PPP2R5C: variants seen among roughly 807,000 people sequenced by gnomAD.
The protein encoded by PPP2R5C is serine/threonine-protein phosphatase 2A 56 kDa regulatory subunit gamma isoform.
In PPP2R5C, 7 loss-of-function variants were observed where a neutral mutation model predicts 68.9. That is an observed-to-expected ratio of 0.10 (90% CI 0.06 to 0.19). PPP2R5C has a LOEUF of 0.19. Among genes scored for constraint, PPP2R5C ranks in the 10% least tolerant of loss-of-function variants. The pLI is 1.00. For synonymous variants in PPP2R5C, 210 were observed against 222.2 expected (o/e 0.95, Z 0.49); for missense variants, 348 against 641.3 (o/e 0.54, Z 4.94).
chr14:101,842,100 C>A (rs1013585064), intron 1 of PPP2R5C, among the ~76,000 whole-genome samples: 2 of 152,140 alleles, frequency 1.3e-5, no homozygotes, highest in African/African-American at 4.8e-5. Context: ...AGAGAAGGGT[C>A]CCCTGTCTTT....
chr14:101,765,161 G>A (rs1265289615), intron 2 of PPP2R5C: 2 of 702,742 alleles, frequency 2.8e-6, no homozygotes, highest in Middle Eastern at 2.3e-4. Flanking sequence ...TAGTGCTACT[G>A]TCTAAGAGCT....
chr14:101,873,008 G>A (rs1312351855), intron 2 of PPP2R5C, among the ~76,000 whole-genome samples: 1 of 148,682 alleles, frequency 6.7e-6, no homozygotes. Context: ...TGTCTATTCT[G>A]TTAATTTTTA....
chr14:101,841,194 C>T (rs61995281), intron 1 of PPP2R5C, among the ~76,000 whole-genome samples: 21,156 of 152,106 alleles, frequency 0.14, 2,034 homozygotes, highest in African/African-American at 0.28. Flanking sequence ...GGAGTTGGGA[C>T]TCCAGCTGGG....
intron 1 of PPP2R5C, among the ~76,000 whole-genome samples, chr14:101,854,581 G>A (rs747811516): frequency 4.5e-4 from 68 of 152,288 alleles, no homozygotes; most frequent in Non-Finnish European, 8.5e-4. Context: ...AAGGGCAAGA[G>A]GAGTGTGGAA....
At chr14:101,903,015 G>GTTTTTTTT (rs72219666) in intron 9 of PPP2R5C, among the ~76,000 whole-genome samples, 1 of 130,726 alleles carries the variant, frequency 7.6e-6, no homozygotes. Context: ...TATGTTTTGG[G>GTTTTTTTT]TTTTTTTTTT....
chr14:101,859,316 G>A (rs769998901), intron 2 of PPP2R5C, among the ~76,000 whole-genome samples: 1 of 152,258 alleles, frequency 6.6e-6, no homozygotes, highest in Non-Finnish European at 1.5e-5. Context: ...AGGGTTGCAA[G>A]ACTGGGAATG....
intron 7 of PPP2R5C, among the ~76,000 whole-genome samples, chr14:101,893,674 C>G (rs1566947199): frequency 2.0e-5 from 3 of 152,138 alleles, no homozygotes; most frequent in Admixed American, 2.0e-4. Flanking sequence ...CGCTTGAACC[C>G]GGGAGGCGGA....
At chr14:101,849,341 G>C (rs553280745) in intron 1 of PPP2R5C, among the ~76,000 whole-genome samples, 33 of 152,276 alleles carry the variant, frequency 2.2e-4, no homozygotes, top group African/African-American at 7.2e-4. Context: ...CATGGGTGGT[G>C]TTCGGGCTCC....
In PPP2R5C at chr14:101,916,665, G is replaced by C. The variant is rs1409239768; in HGVS notation, c.1327-1166G>C. ...AGGGCCAACACCAGACGGTGGCTGA[G>C]AACGGAGCTGCTCTGGGCTGGCAGG... On this transcript the variant is annotated intron_variant, in intron 12 of 13. Transcript: ENST00000334743. This position sits in a 1 kb window ranked among gnomAD's most constrained non-coding sequence, Gnocchi z 5.5. 7.1e-6 allele frequency among the ~76,000 whole-genome samples: 1 copy of C among 140,610 alleles called. No homozygotes were observed. The highest frequency in any genetic ancestry group is 2.4e-4 in the East Asian group (1 of 4,134). The allele number at this position is 140,610 out of a possible 152,430, so 92.2% of individuals were successfully genotyped here. A position where few individuals can be genotyped will look rare whatever the true frequency, so the allele number is the denominator to read the frequency against.
In PPP2R5C at chr14:101,925,196, C is replaced by T. The variant is rs763079491; in HGVS notation, c.1499C>T (p.Pro500Leu). Residue 500 changes from proline to leucine, a missense_variant, in exon 14 of 14, where the codon CCT (proline) becomes CTT (leucine). This residue lies in a region of PPP2R5C where 118 missense variants were observed against 108.9 expected (regional missense o/e 1.08). Coordinates refer to ENST00000334743, the Ensembl canonical transcript of PPP2R5C. ...CTTGCACGCCGCAAGTCCGAGCTGC[C>T]TCAGGACCCCCACACCAAGAAAGCC... 6.8e-6 allele frequency: 11 copies of T among 1,613,998 alleles called. No homozygotes were observed. In the East Asian group the frequency reaches 1.6e-4, roughly 23 times the overall value.
Position 101,906,568 on chromosome 14 carries a change from A to G in PPP2R5C, c.1151+39A>G. 1 of 1,566,756 alleles carries G rather than the reference A, an allele frequency of 6.4e-7. No homozygotes were observed. The highest frequency in any genetic ancestry group is 2.0e-5 in the Admixed American group (1 of 49,538). On this transcript the variant is annotated intron_variant, in intron 10 of 13. Coordinates refer to ENST00000334743, the Ensembl canonical transcript of PPP2R5C. The surrounding 1 kb of genome is among the most constrained non-coding windows in gnomAD (Gnocchi z 4.0). Reference sequence around the variant, plus strand: ...GGCTGCCATCTTTTTCAGTCATTTTAAAATATGGCACGTTTTACTGCTACT... The same window carrying G: ...GGCTGCCATCTTTTTCAGTCATTTTGAAATATGGCACGTTTTACTGCTACT...
intron 3 of PPP2R5C, among the ~76,000 whole-genome samples, chr14:101,787,852 A>G (rs913335210): frequency 6.6e-6 from 1 of 151,656 alleles, no homozygotes; most frequent in African/African-American, 2.4e-5. Context: ...CCTTTGTGGT[A>G]GATAATATGC....
rs556777838 is a variant in PPP2R5C at position 101,843,328 on chromosome 14, G to C, written c.95-13358G>C. The stretch of plus-strand genomic sequence containing the variant: ...AGTTCTCATTCTGCATTATAAAAAG[G>C]ACTGCCAGATATCAACTGTTAGAGA... On this transcript the variant is annotated intron_variant, in intron 1 of 13. Transcript: ENST00000334743. The C allele has an allele frequency of 1.8e-5, 3 of 169,286 alleles. No individual in the cohort carries two copies. In the South Asian group the frequency reaches 4.0e-4, roughly 22 times the overall value. 10.5% of individuals were successfully genotyped at this position (169,286 alleles called of 1,614,324 possible).
chr14:101,867,132 G>A (rs1242104468), intron 2 of PPP2R5C, among the ~76,000 whole-genome samples: 2 of 151,760 alleles, frequency 1.3e-5, no homozygotes, highest in Non-Finnish European at 2.9e-5. Context: ...CAAGAGAATT[G>A]CTTGAACCCA....
At chr14:101,856,914 C>G in intron 2 of PPP2R5C, 29 bp downstream of exon 4, 1 of 1,597,642 alleles carries the variant, frequency 6.3e-7, no homozygotes, top group Non-Finnish European at 8.6e-7. Flanking sequence ...ACCAGTGTGT[C>G]CCAGTTCTGA....
chr14:101,760,847 C>T (rs1264522840), upstream of PPP2R5C: 1 of 162,080 alleles, frequency 6.2e-6, no homozygotes, highest in Non-Finnish European at 7.2e-6. Context: ...AGGGCCCGGC[C>T]AAGGGGAGGG....
At chr14:101,774,940 C>G (rs889527725) in intron 2 of PPP2R5C, among the ~76,000 whole-genome samples, 5 of 152,220 alleles carry the variant, frequency 3.3e-5, no homozygotes, top group Non-Finnish European at 7.3e-5. Flanking sequence ...AAGCCACAGA[C>G]AACAGGTGGA....
intron 2 of PPP2R5C, among the ~76,000 whole-genome samples, chr14:101,782,104 C>CCCCTTCTT (rs1298186817): frequency 2.4e-5 from 2 of 82,150 alleles, no homozygotes; most frequent in African/African-American, 9.8e-5. Context: ...TCTTCCCCTC[C>CCCCTTCTT]CCCCTCCCCC....
intron 2 of PPP2R5C, among the ~76,000 whole-genome samples, chr14:101,764,030 G>GCGC (rs1462659583): frequency 3.7e-4 from 54 of 146,256 alleles, no homozygotes; most frequent in African/African-American, 1.3e-3. Flanking sequence ...TGTGTGTGTG[G>GCGC]GCGCGCGCAC....
Sources: allele counts gnomAD v4.1 joint callset (sites outside exome capture counted in the v4.1 genomes callset), GRCh38; gene constraint gnomAD v4.1.1; regional missense constraint gnomAD v4.1.1; non-coding constraint Gnocchi (gnomAD v3.1); transcripts MANE v1.5; gene names NCBI Gene and HGNC (gene_info 2026-07-23, HGNC 2026-07-21).